ROR1: variants seen among roughly 807,000 people sequenced by gnomAD.
The protein encoded by ROR1 is inactive tyrosine-protein kinase transmembrane receptor ROR1.
Under a neutral mutation model 78.8 loss-of-function variants are expected in ROR1, and 19 were observed. The observed-to-expected ratio is 0.24, with a 90% CI of 0.17 to 0.35. The LOEUF (loss-of-function observed/expected upper bound fraction) is 0.35. Among genes scored for constraint, ROR1 ranks in the 10% least tolerant of loss-of-function variants. The probability of loss-of-function intolerance (pLI) is 1.00; values close to 1 mark genes in which losing one functional copy is unlikely to be tolerated. For synonymous variants in ROR1, 386 were observed against 433.6 expected (o/e 0.89, Z 1.36); for missense variants, 917 against 1,177.8 (o/e 0.78, Z 3.24).
chr1:64,108,774 T>C (rs1647948447), intron 4 of ROR1, among the ~76,000 whole-genome samples: 1 of 152,212 alleles, frequency 6.6e-6, no homozygotes, highest in South Asian at 2.1e-4. Flanking sequence ...TTCTGTATTC[T>C]GGAGATTATG....
chr1:64,173,341 G>A (rs1650292361), intron 8 of ROR1, among the ~76,000 whole-genome samples: 1 of 152,206 alleles, frequency 6.6e-6, no homozygotes, highest in South Asian at 2.1e-4. Flanking sequence ...TGGTGAGATA[G>A]GACAAGATAC....
intron 2 of ROR1, among the ~76,000 whole-genome samples, chr1:64,040,400 A>T (rs1354332846): frequency 6.6e-6 from 1 of 152,232 alleles, no homozygotes; most frequent in Non-Finnish European, 1.5e-5. Flanking sequence ...TTAGAAATTT[A>T]AGTGAAAAGT....
intron 4 of ROR1, among the ~76,000 whole-genome samples, chr1:64,100,514 A>G (rs1377316201): frequency 6.6e-6 from 1 of 152,136 alleles, no homozygotes; most frequent in Non-Finnish European, 1.5e-5. Context: ...AAATAAGCCT[A>G]TCAGTAATAT....
chr1:64,083,358 T>G (rs1258480590), intron 4 of ROR1, among the ~76,000 whole-genome samples: 1 of 152,080 alleles, frequency 6.6e-6, no homozygotes, highest in Non-Finnish European at 1.5e-5. Flanking sequence ...GGCCATCAAG[T>G]GATTATTTCA....
In ROR1 at chr1:63,789,046, C is replaced by T. The variant is rs1569710736; in HGVS notation, c.91+14538C>T. The T allele has an allele frequency of 6.4e-6, 4 of 629,298 alleles. No homozygotes were observed. In the East Asian group the frequency reaches 1.5e-4, roughly 23 times the overall value. 39.0% of individuals were successfully genotyped at this position (629,298 alleles called of 1,614,324 possible). ...CACGTGACCTTCTCTGGCATCCGGG[C>T]ATTGGTTGTACCCTTTCGCTTACCT... On this transcript the variant is annotated intron_variant, in intron 1 of 8. Coordinates refer to ENST00000371079, the MANE Select transcript of ROR1 (RefSeq NM_005012.4).
At chr1:63,997,302 A>T (rs1400153550) in intron 1 of ROR1, among the ~76,000 whole-genome samples, 1 of 152,218 alleles carries the variant, frequency 6.6e-6, no homozygotes, top group African/African-American at 2.4e-5. Flanking sequence ...ACAATACTAC[A>T]CACTGCTTTT....
At chr1:64,107,931 G>A (rs957756855) in intron 4 of ROR1, among the ~76,000 whole-genome samples, 36 of 151,888 alleles carry the variant, frequency 2.4e-4, no homozygotes, top group Non-Finnish European at 4.4e-4. Flanking sequence ...TCAGAGTTTG[G>A]CTCTGCATTA....
intron 4 of ROR1, among the ~76,000 whole-genome samples, chr1:64,113,088 T>C (rs188331004): frequency 3.3e-5 from 5 of 152,350 alleles, no homozygotes; most frequent in East Asian, 3.9e-4. Flanking sequence ...TCTTCCGTTT[T>C]TCTGAATCCC....
intron 7 of ROR1, among the ~76,000 whole-genome samples, chr1:64,150,664 G>A (rs1649596277): frequency 6.6e-6 from 1 of 152,192 alleles, no homozygotes; most frequent in African/African-American, 2.4e-5. Context: ...GTATAGCACT[G>A]TTTTATATAG....
chr1:64,132,731 G>T (rs1232589296), intron 4 of ROR1, among the ~76,000 whole-genome samples: 1 of 123,914 alleles, frequency 8.1e-6, no homozygotes, highest in Non-Finnish European at 1.6e-5. Context: ...CTGCACTCCA[G>T]CCTGCGCAAT....
chr1:64,060,308 C>T (rs958079125), intron 4 of ROR1, among the ~76,000 whole-genome samples: 13 of 152,254 alleles, frequency 8.5e-5, no homozygotes, highest in African/African-American at 3.1e-4. Flanking sequence ...TCAATGCTAT[C>T]TGAGCAAAGA....
intron 2 of ROR1, among the ~76,000 whole-genome samples, chr1:64,018,976 T>C (rs914628370): frequency 4.6e-5 from 7 of 152,176 alleles, no homozygotes; most frequent in Admixed American, 4.6e-4. Context: ...GGACCAGTGA[T>C]AGAGCAGTAA....
chr1:64,121,396 T>C (rs1477988826), intron 4 of ROR1, among the ~76,000 whole-genome samples: 1 of 152,082 alleles, frequency 6.6e-6, no homozygotes, highest in East Asian at 1.9e-4. Flanking sequence ...TCAGTTAATG[T>C]AAGGAGTTCT....
chr1:63,833,990 C>CTTTTTTTTTTTTT (rs71056008), intron 1 of ROR1, among the ~76,000 whole-genome samples: 9 of 132,020 alleles, frequency 6.8e-5, no homozygotes, highest in East Asian at 2.2e-4. Context: ...TCTTCTTCTT[C>CTTTTTTTTTTTTT]TTTTTTTTTT....
chr1:63,883,630 A>G (rs1569859158), intron 1 of ROR1, among the ~76,000 whole-genome samples: 1 of 152,162 alleles, frequency 6.6e-6, no homozygotes, highest in South Asian at 2.1e-4. Flanking sequence ...AGGCCAGAAA[A>G]CACAGGGAAT....
At chr1:63,882,181 C>T (rs1645327415) in intron 1 of ROR1, among the ~76,000 whole-genome samples, 1 of 152,234 alleles carries the variant, frequency 6.6e-6, no homozygotes, top group East Asian at 1.9e-4. Context: ...AAAGTTGGAC[C>T]TGGAAGCAAG....
At chr1:63,868,231 T>C (rs1392201514) in intron 1 of ROR1, among the ~76,000 whole-genome samples, 1 of 152,194 alleles carries the variant, frequency 6.6e-6, no homozygotes, top group Non-Finnish European at 1.5e-5. Context: ...TTATCACTCA[T>C]TAAACAAGTG....
intron 8 of ROR1, among the ~76,000 whole-genome samples, chr1:64,176,439 G>A (rs1650381958): frequency 2.0e-5 from 3 of 152,208 alleles, no homozygotes; most frequent in Admixed American, 6.5e-5. Flanking sequence ...TTAAAAGTTT[G>A]CAATAACATG....
intron 4 of ROR1, among the ~76,000 whole-genome samples, chr1:64,128,264 G>C (rs1648783740): frequency 7.0e-6 from 1 of 143,726 alleles, no homozygotes; most frequent in South Asian, 2.3e-4. Context: ...AGACCAGCCT[G>C]GGCAACATAG....
Sources: allele counts gnomAD v4.1 joint callset (sites outside exome capture counted in the v4.1 genomes callset), GRCh38; gene constraint gnomAD v4.1.1; transcripts MANE v1.5; gene names NCBI Gene and HGNC (gene_info 2026-07-23, HGNC 2026-07-21).